Variants in PDE8B observed in about 807,000 individuals in gnomAD.
PDE8B encodes phosphodiesterase 8B.
A neutral mutation model predicts 101.3 loss-of-function variants in PDE8B; 26 were observed. The ratio of observed to expected loss-of-function variants is 0.26; its 90% confidence interval spans 0.19 to 0.36. The LOEUF is 0.36. Ranked by LOEUF, PDE8B falls within the 10% of genes least tolerant of loss-of-function variation. PDE8B has a pLI of 1.00. For synonymous variants in PDE8B, 424 were observed against 429.3 expected, an observed-to-expected ratio of 0.99 and a Z score of 0.15; for missense variants, 810 against 1,163.1, an observed-to-expected ratio of 0.70 and a Z score of 4.42.
rs1193484471 is a variant in PDE8B, at chr5:77,211,694, A to T, written c.339+430A>T. Among the ~76,000 whole-genome samples the T allele has an allele frequency of 2.0e-5, 3 of 152,224 alleles. No homozygotes were observed. On this transcript the variant is annotated intron_variant, in intron 1 of 21. Coordinates refer to ENST00000264917, the MANE Select transcript of PDE8B (RefSeq NM_003719.5). This position sits in a 1 kb window ranked among gnomAD's most constrained non-coding sequence, Gnocchi z 4.1. ...AGGTGACTGGTGCAGTTGCAGCACCAGGATAGATAGTGCCCCATATTCCGA... is the reference window on the plus strand; with the variant it reads ...AGGTGACTGGTGCAGTTGCAGCACCTGGATAGATAGTGCCCCATATTCCGA...
At chr5:77,207,830 A>G (rs1747628204), upstream of PDE8B, among the ~76,000 whole-genome samples, 1 of 152,132 alleles carries the variant, frequency 6.6e-6, no homozygotes, top group Non-Finnish European at 1.5e-5. Context: ...CTTGGTGGAG[A>G]TTATAAGGAC....
intron 10 of PDE8B, among the ~76,000 whole-genome samples, chr5:77,362,496 A>G (rs1423304215): frequency 6.6e-6 from 1 of 152,172 alleles, no homozygotes; most frequent in Non-Finnish European, 1.5e-5. Flanking sequence ...GCTTTATATC[A>G]GTAAAATGTA....
the PDE8B span, among the ~76,000 whole-genome samples, chr5:77,101,267 G>T: frequency 6.6e-6 from 1 of 151,808 alleles, no homozygotes; most frequent in Non-Finnish European, 1.5e-5. Flanking sequence ...CGCTGCACCA[G>T]GTCAATTTTT....
At chr5:77,271,973 G>T (rs987293134) in intron 1 of PDE8B, among the ~76,000 whole-genome samples, 1 of 152,158 alleles carries the variant, frequency 6.6e-6, no homozygotes, top group Non-Finnish European at 1.5e-5. Flanking sequence ...AGTACCACCT[G>T]GGAGCCCATT....
intron 10 of PDE8B, 89 bp from the exon 11 acceptor site, chr5:77,400,159 C>T (rs937298703): frequency 5.5e-6 from 5 of 915,210 alleles, no homozygotes; most frequent in Non-Finnish European, 9.1e-6. Flanking sequence ...GTCTTCAGAG[C>T]TTTTTAACTA....
chr5:77,185,751 A>C, the PDE8B span, among the ~76,000 whole-genome samples: 5 of 151,618 alleles, frequency 3.3e-5, 1 homozygote, highest in Non-Finnish European at 5.9e-5. Context: ...TTCCTAACCC[A>C]AAACTGTTAT....
intron 8 of PDE8B, among the ~76,000 whole-genome samples, chr5:77,350,293 T>C (rs1183172340): frequency 1.3e-5 from 2 of 152,014 alleles, no homozygotes; most frequent in Non-Finnish European, 2.9e-5. Flanking sequence ...TAGATGATGA[T>C]CAAAATGTTT....
intron 1 of PDE8B, among the ~76,000 whole-genome samples, chr5:77,301,236 C>T (rs1297968385): frequency 6.6e-6 from 1 of 152,174 alleles, no homozygotes; most frequent in African/African-American, 2.4e-5. Context: ...ACTCTTGGTC[C>T]TCTAAGGCAG....
chr5:77,422,067 A>G (rs2151192669), intron 20 of PDE8B, 79 bp downstream of exon 20: 1 of 1,445,548 alleles, frequency 6.9e-7, no homozygotes. Context: ...GGGATTCTCC[A>G]GCTGAGTAAC....
chr5:77,357,135 A>G (rs1362461201), intron 10 of PDE8B, among the ~76,000 whole-genome samples: 1 of 152,160 alleles, frequency 6.6e-6, no homozygotes, highest in African/African-American at 2.4e-5. Context: ...GTTAGGTCTC[A>G]CTTTCTAGAG....
the PDE8B span, among the ~76,000 whole-genome samples, chr5:77,202,951 G>A: frequency 6.6e-6 from 1 of 152,228 alleles, no homozygotes; most frequent in African/African-American, 2.4e-5. Context: ...TTTCGACTGT[G>A]TAGCAGTTGG....
intron 1 of PDE8B, among the ~76,000 whole-genome samples, chr5:77,252,630 G>A (rs1305655762): frequency 6.6e-6 from 1 of 152,120 alleles, no homozygotes. Flanking sequence ...AGATACTTTT[G>A]TGACACCTTT....
chr5:77,246,390 G>C (rs1307706136), intron 1 of PDE8B, among the ~76,000 whole-genome samples: 3 of 152,154 alleles, frequency 2.0e-5, no homozygotes, highest in African/African-American at 7.2e-5. Flanking sequence ...CAAGGGCAGA[G>C]CCTGACTTAT....
At chr5:77,331,356 C>A in intron 4 of PDE8B, 46 bp from the exon 5 acceptor site, 4 of 1,544,840 alleles carry the variant, frequency 2.6e-6, no homozygotes, top group Non-Finnish European at 3.6e-6. Context: ...TGTGAGGAAT[C>A]CTGGTTTGTA....
chr5:77,242,857 AG>A (rs1354205343), intron 1 of PDE8B, among the ~76,000 whole-genome samples: 1 of 151,996 alleles, frequency 6.6e-6, no homozygotes, highest in Admixed American at 6.6e-5. Context: ...TAGTAGAGAC[AG>A]GGTTTCACCA....
intron 1 of PDE8B, among the ~76,000 whole-genome samples, chr5:77,298,059 G>C (rs1769002671): frequency 6.6e-6 from 1 of 152,106 alleles, no homozygotes; most frequent in Non-Finnish European, 1.5e-5. Flanking sequence ...GTAGTATCTG[G>C]CACATAATAG....
At chr5:77,148,106 TA>T in the PDE8B span, 2 of 152,232 alleles carry the variant, frequency 1.3e-5, no homozygotes, top group Non-Finnish European at 1.5e-5. Flanking sequence ...CAAGACATTA[TA>T]TACACTTATA....
chr5:77,358,511 A>G (rs1164221607), intron 10 of PDE8B: 2 of 820,316 alleles, frequency 2.4e-6, no homozygotes, highest in South Asian at 5.6e-5. Flanking sequence ...ACTTCCTCCT[A>G]TGTATGCCCC....
Position 77,248,698 on chromosome 5 carries a change from A to T in PDE8B, c.339+37434A>T, listed in dbSNP as rs1164665692. Among the ~76,000 whole-genome samples the T allele has an allele frequency of 4.6e-5, 7 of 152,324 alleles. No homozygotes were observed. The East Asian group carries it at 5.8e-4, about 13-fold the overall frequency. On this transcript the variant is annotated intron_variant, in intron 1 of 21. Coordinates refer to ENST00000264917, the MANE Select transcript of PDE8B (RefSeq NM_003719.5). ...TGCCAGAAAACCTCTGGAAATTTAC[A>T]CATCGTATGTGGTGCTATGGACTGA... is the stretch of plus-strand genomic sequence containing the variant.
Sources: gnomAD v4.1 joint callset for allele counts (sites outside exome capture counted in the v4.1 genomes callset) on GRCh38, gnomAD v4.1.1 for gene constraint, Gnocchi (gnomAD v3.1) non-coding constraint, MANE v1.5 for transcripts, NCBI Gene and HGNC (gene_info 2026-07-23, HGNC 2026-07-21) for gene names.